The following SLCO3A1 variants were observed in gnomAD, a reference collection of about 807,000 sequenced individuals.
The protein encoded by SLCO3A1 is solute carrier organic anion transporter family member 3A1.
SLCO3A1 carries 27 observed loss-of-function variants against 63.1 expected under a neutral mutation model. The observed-to-expected ratio is 0.43, with a 90% CI of 0.32 to 0.59. The LOEUF is 0.59. Ranked by LOEUF, SLCO3A1 falls within the 20% of genes least tolerant of loss-of-function variation. The pLI is 0.09. For missense variants in SLCO3A1, 773 were observed against 945.8 expected (o/e 0.82, Z 2.40); for synonymous variants, 473 against 409.9 (o/e 1.15, Z -1.86).
Position 91,941,297 on chromosome 15 carries a change from G to T in SLCO3A1, c.646+24839G>T, listed in dbSNP as rs574881676. ...TGTTGGGGCAGGGCGGGGCTCGGCTGGGGGGTGGGAGAGAGACACTGAATC... is the reference window on the plus strand; with the variant it reads ...TGTTGGGGCAGGGCGGGGCTCGGCTTGGGGGTGGGAGAGAGACACTGAATC... On this transcript the variant is annotated intron_variant, in intron 2 of 9. Coordinates refer to ENST00000318445, the MANE Select transcript of SLCO3A1 (RefSeq NM_013272.4). This position sits in a 1 kb window ranked among gnomAD's most constrained non-coding sequence, Gnocchi z 4.4. The T allele has an allele frequency of 1.2e-4, 32 of 265,070 alleles. 1 individual carries two copies. Among genetic ancestry groups the T allele is most frequent in the Middle Eastern group, 1.4e-3 (1 of 714 alleles). 16.4% of individuals were successfully genotyped at this position (265,070 alleles called of 1,614,324 possible).
intron 4 of SLCO3A1, among the ~76,000 whole-genome samples, chr15:92,119,557 G>A (rs2047836380): frequency 6.6e-6 from 1 of 152,164 alleles, no homozygotes; most frequent in African/African-American, 2.4e-5. Context: ...TACAGGCAGA[G>A]CATTCTTGTA....
chr15:91,992,313 G>A (rs1409597456), intron 2 of SLCO3A1, among the ~76,000 whole-genome samples: 1 of 152,176 alleles, frequency 6.6e-6, no homozygotes, highest in African/African-American at 2.4e-5. Context: ...CGCTGCTAAC[G>A]ATGAGCACTT....
intron 7 of SLCO3A1, among the ~76,000 whole-genome samples, chr15:92,139,762 A>G (rs1346649714): frequency 1.3e-5 from 2 of 151,772 alleles, no homozygotes; most frequent in Non-Finnish European, 2.9e-5. Context: ...GTTTATTTGC[A>G]CAGAGGTGTT....
In SLCO3A1 at chr15:92,126,170, C is replaced by T. The variant is rs1596123580; in HGVS notation, c.1284C>T (p.Asn428=). The T allele has an allele frequency of 6.2e-7, 1 of 1,614,042 alleles. No homozygotes were observed. The highest frequency in any genetic ancestry group is 8.5e-7 in the Non-Finnish European group (1 of 1,179,998). ...CCATTCGGATGGCCATGCTCGTCAACCTGGTGTCCACTGCTTGCTACGTCT... is the reference window on the plus strand; with the variant it reads ...CCATTCGGATGGCCATGCTCGTCAATCTGGTGTCCACTGCTTGCTACGTCT... ...LGAIRMAMLV[N]LVSTACYVSF... Residue 428 remains asparagine, a synonymous_variant, in exon 6 of 10, where the codon AAC becomes AAT. Coordinates refer to ENST00000318445, the MANE Select transcript of SLCO3A1 (RefSeq NM_013272.4).
At chr15:92,081,087 G>T (rs1193048816) in intron 2 of SLCO3A1, among the ~76,000 whole-genome samples, 1 of 151,724 alleles carries the variant, frequency 6.6e-6, no homozygotes, top group Non-Finnish European at 1.5e-5. Flanking sequence ...TCATTTCTTT[G>T]TGTTACCGAC....
Position 92,120,459 on chromosome 15 carries a change from C to T in SLCO3A1, c.1010-6C>T. On this transcript the variant is annotated splice_region_variant and splice_polypyrimidine_tract_variant and intron_variant, in intron 4 of 9. Coordinates refer to ENST00000318445, the MANE Select transcript of SLCO3A1 (RefSeq NM_013272.4). ...CCCTGACCATCTGCCTTCTGTCTCCCTGCAGTGATCCCGAAGGTCACCAAG... is the reference window on the plus strand; with the variant it reads ...CCCTGACCATCTGCCTTCTGTCTCCTTGCAGTGATCCCGAAGGTCACCAAG... 6.2e-7 allele frequency: 1 copy of T among 1,613,898 alleles called. No homozygotes were observed. Among genetic ancestry groups the T allele is most frequent in the Non-Finnish European group, 8.5e-7 (1 of 1,179,830 alleles).
At chr15:92,133,965 C>T (rs866302415) in intron 7 of SLCO3A1, among the ~76,000 whole-genome samples, 3 of 152,282 alleles carry the variant, frequency 2.0e-5, no homozygotes, top group South Asian at 2.1e-4. Context: ...AAACAAACAG[C>T]GTGTCTGCCC....
At chr15:91,892,595 G>A (rs1181535304) in intron 1 of SLCO3A1, among the ~76,000 whole-genome samples, 4 of 152,220 alleles carry the variant, frequency 2.6e-5, no homozygotes, top group Non-Finnish European at 5.9e-5. Context: ...CTGGCATGGA[G>A]TGGAGCTCTT....
chr15:91,964,257 A>G (rs966408501), intron 2 of SLCO3A1, among the ~76,000 whole-genome samples: 1 of 152,102 alleles, frequency 6.6e-6, no homozygotes, highest in African/African-American at 2.4e-5. Flanking sequence ...GTGATTGCTC[A>G]GAGCTCTAAA....
At chr15:91,983,946 T>C (rs538356235) in intron 2 of SLCO3A1, among the ~76,000 whole-genome samples, 15 of 152,200 alleles carry the variant, frequency 9.9e-5, no homozygotes, top group Non-Finnish European at 1.9e-4. Context: ...GTAACTAGGC[T>C]AATCAATCAA....
intron 2 of SLCO3A1, among the ~76,000 whole-genome samples, chr15:91,960,591 G>A (rs535239211): frequency 8.5e-5 from 13 of 152,258 alleles, no homozygotes; most frequent in Non-Finnish European, 1.6e-4. Flanking sequence ...TTTTGAGAGA[G>A]CTATTTTACT....
At chr15:91,892,113 T>G (rs1897885843) in intron 1 of SLCO3A1, among the ~76,000 whole-genome samples, 1 of 152,160 alleles carries the variant, frequency 6.6e-6, no homozygotes. Flanking sequence ...TTGTAGAATA[T>G]GATGTGTAAT....
intron 2 of SLCO3A1, among the ~76,000 whole-genome samples, chr15:91,992,642 G>C (rs922014525): frequency 6.6e-6 from 1 of 152,206 alleles, no homozygotes; most frequent in African/African-American, 2.4e-5. Flanking sequence ...TAACAGTCAA[G>C]ATGTGGTCAT....
chr15:92,154,580 C>T (rs892403416), intron 9 of SLCO3A1, among the ~76,000 whole-genome samples: 1 of 152,150 alleles, frequency 6.6e-6, no homozygotes, highest in Non-Finnish European at 1.5e-5. Flanking sequence ...GATAGGGGAA[C>T]AGGAAGACCC....
intron 2 of SLCO3A1, among the ~76,000 whole-genome samples, chr15:91,939,284 C>A (rs866187336): frequency 1.3e-5 from 2 of 152,084 alleles, no homozygotes; most frequent in Non-Finnish European, 2.9e-5. Context: ...AGAACTCGCT[C>A]ATTATCACAA....
In SLCO3A1 at chr15:91,853,891, G is replaced by GGA; in HGVS notation, c.-17_-16insAG. On this transcript the variant is annotated 5_prime_UTR_variant, in exon 1 of 10. Transcript: ENST00000318445. Reference sequence around the variant, plus strand: ...GGAAAGCGGCAGCGGCGGCGGCGGCGGCGGCGGCGGGGGAAGGATGCAGGG... The same window carrying GGA: ...GGAAAGCGGCAGCGGCGGCGGCGGCGGAGCGGCGGCGGGGGAAGGATGCAGGG... 1 of 1,345,812 alleles carries GGA rather than the reference G, an allele frequency of 7.4e-7. No individual in the cohort carries two copies. The highest frequency in any genetic ancestry group is 9.6e-7 in the Non-Finnish European group (1 of 1,042,966). 83.4% of individuals were successfully genotyped at this position (1,345,812 alleles called of 1,614,324 possible).
At chr15:91,909,865 C>T (rs910743283) in intron 1 of SLCO3A1, among the ~76,000 whole-genome samples, 4 of 152,328 alleles carry the variant, frequency 2.6e-5, no homozygotes, top group Admixed American at 6.5e-5. Flanking sequence ...AGGGGCCTTT[C>T]CTTGCTGTTA....
intron 4 of SLCO3A1, among the ~76,000 whole-genome samples, chr15:92,114,968 T>C (rs1167043215): frequency 1.3e-5 from 2 of 152,218 alleles, no homozygotes; most frequent in Admixed American, 6.5e-5. Flanking sequence ...CAAAAAGCAT[T>C]GGCTACCATT....
intron 2 of SLCO3A1, among the ~76,000 whole-genome samples, chr15:91,939,674 C>T (rs1899548703): frequency 6.6e-6 from 1 of 152,136 alleles, no homozygotes; most frequent in Non-Finnish European, 1.5e-5. Context: ...CTTCTTCCCT[C>T]CTCCTCTGCA....
Sources: allele counts gnomAD v4.1 joint callset (sites outside exome capture counted in the v4.1 genomes callset), GRCh38; gene constraint gnomAD v4.1.1; non-coding constraint Gnocchi (gnomAD v3.1); transcripts MANE v1.5; gene names NCBI Gene and HGNC (gene_info 2026-07-23, HGNC 2026-07-21).